SLC2A5: variants seen among roughly 807,000 people sequenced by gnomAD.
SLC2A5 encodes solute carrier family 2, facilitated glucose transporter member 5.
A neutral mutation model predicts 50.3 loss-of-function variants in SLC2A5; 56 were observed. The observed-to-expected ratio is 1.11, with a 90% confidence interval of 0.90 to 1.39. SLC2A5 has a LOEUF of 1.39. SLC2A5 is among the 40% of genes most tolerant of loss of function. The pLI is 0.00. For missense variants in SLC2A5, 566 were observed against 650.1 expected (o/e 0.87, Z 1.41); for synonymous variants, 269 against 281.9 (o/e 0.95, Z 0.46).
At chr1:9,053,051 A>G (rs1209392670) in intron 3 of SLC2A5, among the ~76,000 whole-genome samples, 32 of 118,178 alleles carry the variant, frequency 2.7e-4, no homozygotes, top group Non-Finnish European at 4.5e-4. Flanking sequence ...TTATATATTA[A>G]TATATAATAT....
At chr1:9,048,746 G>A (rs1255798811) in intron 3 of SLC2A5, among the ~76,000 whole-genome samples, 2 of 151,906 alleles carry the variant, frequency 1.3e-5, no homozygotes, top group Non-Finnish European at 2.9e-5. Context: ...ACCTCGGTCT[G>A]CCAGGTCAAA....
In SLC2A5 at chr1:9,035,349, G is replaced by A. The variant is rs1641115543; in HGVS notation, c.*2237C>T. The A allele has an allele frequency of 6.6e-6, 1 of 152,278 alleles. No homozygotes were observed. The highest frequency in any genetic ancestry group is 2.1e-4 in the South Asian group (1 of 4,830). The allele number at this position is 152,278 out of a possible 1,614,324, so 9.4% of individuals were successfully genotyped here. A position where few individuals can be genotyped will look rare whatever the true frequency, so the allele number is the denominator to read the frequency against. On this transcript the variant is annotated 3_prime_UTR_variant, in exon 12 of 12. Coordinates refer to ENST00000377424, the MANE Select transcript of SLC2A5 (RefSeq NM_003039.3). Reference sequence around the variant, plus strand: ...ACCTGGCCTCTCCTCAGCTCTGAGAGCCTTCATCTTTGGTTGTTTCTGTGC... The same window carrying A: ...ACCTGGCCTCTCCTCAGCTCTGAGAACCTTCATCTTTGGTTGTTTCTGTGC...
intron 2 of SLC2A5, among the ~76,000 whole-genome samples, chr1:9,076,413 A>G (rs1226957190): frequency 2.0e-5 from 3 of 152,188 alleles, no homozygotes; most frequent in Non-Finnish European, 4.4e-5. Context: ...TCAGATTGTA[A>G]AACCGCATAG....
chr1:9,038,898 A>G lies in SLC2A5; in HGVS notation c.1028T>C (p.Leu343Pro). The G allele has an allele frequency of 6.2e-7, 1 of 1,612,664 alleles. No individual in the cohort carries two copies. The highest frequency in any genetic ancestry group is 8.5e-7 in the Non-Finnish European group (1 of 1,179,832). Reference sequence around the variant, plus strand: ...GATGGAGAAGCCCAGCAGCAGCAGCAGCCTCCGACCCAGGAGCTCCACCAC... The same window carrying G: ...GATGGAGAAGCCCAGCAGCAGCAGCGGCCTCCGACCCAGGAGCTCCACCAC... ...VFVVELLGRRLLLLLGFSICL... is the reference protein window; with the variant it reads ...VFVVELLGRRPLLLLGFSICL... The change falls in exon 9 of 12, where the codon CTG becomes CCG. Residue 343 changes from leucine (L) to proline (P), a missense_variant. Leu to Pro is a moderately conservative substitution (Grantham distance 98). Transcript: ENST00000377424.
intron 1 of SLC2A5, among the ~76,000 whole-genome samples, chr1:9,065,053 CAAA>C (rs199947177): frequency 1.3e-3 from 134 of 107,200 alleles, no homozygotes; most frequent in African/African-American, 3.5e-3. Context: ...GATTCTGTCT[CAAA>C]AAAAAAAAAA....
rs755885034 is a variant in SLC2A5, at chr1:9,057,414, A to G, written c.293+34T>C. On this transcript the variant is annotated intron_variant, in intron 3 of 11. Coordinates refer to ENST00000377424, the MANE Select transcript of SLC2A5 (RefSeq NM_003039.3). ...ATTTTAGCTCTGATGGGGGTCTATG[A>G]GTTTCAGGGAATTAAAAATTCACCT... The G allele has an allele frequency of 6.4e-6, 10 of 1,551,676 alleles. No individual in the cohort carries two copies. The Admixed American group carries it at 1.8e-4, about 28-fold the overall frequency.
At chr1:9,079,242 G>A (rs886167039) in intron 2 of SLC2A5, among the ~76,000 whole-genome samples, 9 of 152,104 alleles carry the variant, frequency 5.9e-5, no homozygotes, top group Admixed American at 3.3e-4. Context: ...AGAGATTGTT[G>A]ATCACGCTCT....
chr1:9,060,011 C>CT, intron 1 of SLC2A5, among the ~76,000 whole-genome samples: 1 of 132,502 alleles, frequency 7.5e-6, no homozygotes, highest in Non-Finnish European at 1.6e-5. Context: ...CACACACACA[C>CT]ACTACACACA....
chr1:9,060,086 T>TACAC (rs879348316), intron 1 of SLC2A5, among the ~76,000 whole-genome samples: 3 of 92,542 alleles, frequency 3.2e-5, no homozygotes, highest in South Asian at 7.1e-4. Context: ...ACACACACAC[T>TACAC]ACACACACAA....
intron 3 of SLC2A5, among the ~76,000 whole-genome samples, chr1:9,057,012 C>T (rs933392611): frequency 1.3e-5 from 2 of 152,174 alleles, no homozygotes; most frequent in African/African-American, 4.8e-5. Context: ...AAATGACCGG[C>T]CAGGCGCAGT....
At chr1:9,082,412 T>C (rs1215837489) in intron 2 of SLC2A5, among the ~76,000 whole-genome samples, 1 of 152,132 alleles carries the variant, frequency 6.6e-6, no homozygotes, top group Non-Finnish European at 1.5e-5. Flanking sequence ...TGGAATACTA[T>C]ACAGCTATAA....
rs1323254171 is a variant in SLC2A5 at position 9,037,885 on chromosome 1, G to A, written c.1302+12C>T. On this transcript the variant is annotated intron_variant, in intron 11 of 11. Coordinates refer to ENST00000377424, the MANE Select transcript of SLC2A5 (RefSeq NM_003039.3). ...GATCTGGTGGTGAGCGTGGGCCCCG[G>A]GCCCCACTCACCTGGATGAACGGGA... The A allele has an allele frequency of 6.2e-7, 1 of 1,613,562 alleles. No individual in the cohort carries two copies. The highest frequency in any genetic ancestry group is 1.7e-5 in the Admixed American group (1 of 60,000).
chr1:9,090,375 T>C (rs1343393621), upstream of SLC2A5, among the ~76,000 whole-genome samples: 1 of 152,306 alleles, frequency 6.6e-6, no homozygotes, highest in African/African-American at 2.4e-5. Flanking sequence ...CACTATATAG[T>C]GGTCCTACAA....
chr1:9,037,818 T>C, intron 11 of SLC2A5, 29 bp from the exon 12 acceptor site: 1 of 1,613,902 alleles, frequency 6.2e-7, no homozygotes, highest in Non-Finnish European at 8.5e-7. Flanking sequence ...GTGACACGTG[T>C]GGGACGTGGT....
chr1:9,076,735 T>C (rs1487610544), intron 2 of SLC2A5, among the ~76,000 whole-genome samples: 1 of 152,224 alleles, frequency 6.6e-6, no homozygotes, highest in Admixed American at 6.5e-5. Context: ...GGAGCATAGA[T>C]TCAAGTTGCC....
chr1:9,068,751 C>T (rs1421938643), intron 1 of SLC2A5, among the ~76,000 whole-genome samples: 2 of 152,178 alleles, frequency 1.3e-5, no homozygotes, highest in Admixed American at 6.5e-5. Flanking sequence ...AGCATGTTTC[C>T]AGTCTGCCTA....
intron 1 of SLC2A5, among the ~76,000 whole-genome samples, chr1:9,064,088 A>G (rs1642021500): frequency 6.6e-6 from 1 of 152,090 alleles, no homozygotes; most frequent in South Asian, 2.1e-4. Context: ...TCAGCCTCCC[A>G]AAGTGTTGGT....
intron 3 of SLC2A5, chr1:9,049,297 T>C (rs575046977): frequency 7.7e-4 from 319 of 415,876 alleles, no homozygotes; most frequent in Non-Finnish European, 1.2e-3. Context: ...CAGACTGGAC[T>C]ATAAAATGTT....
chr1:9,053,065 T>TTATATATTTATATATAATATATAA, intron 3 of SLC2A5, among the ~76,000 whole-genome samples: 1 of 79,790 alleles, frequency 1.3e-5, no homozygotes, highest in Non-Finnish European at 2.3e-5. Flanking sequence ...ATAATATATA[T>TTATATATTTATATATAATATATAA]TATATATTTA....
Sources: gnomAD v4.1 joint callset for allele counts (sites outside exome capture counted in the v4.1 genomes callset) on GRCh38, gnomAD v4.1.1 for gene constraint, MANE v1.5 for transcripts, NCBI Gene and HGNC (gene_info 2026-07-23, HGNC 2026-07-21) for gene names.